Variants in DTD1 observed in about 807,000 individuals in gnomAD.
DTD1 encodes D-tyrosyl-tRNA deacylase 1 homolog.
In DTD1, 13 loss-of-function variants were observed where a neutral mutation model predicts 25.6. The observed-to-expected ratio is 0.51, with a 90% CI of 0.33 to 0.81. The LOEUF (loss-of-function observed/expected upper bound fraction) is 0.81, where lower values mean the gene tolerates loss of function less well. DTD1 is among the 30% of genes least tolerant of loss of function. DTD1 has a pLI of 0.02. For synonymous variants in DTD1, 110 were observed against 103.6 expected (o/e 1.06, Z -0.37); for missense variants, 193 against 266.4 (o/e 0.72, Z 1.92).
At chr20:18,735,755 A>C (rs535118251) in intron 4 of DTD1, among the ~76,000 whole-genome samples, 1 of 152,164 alleles carries the variant, frequency 6.6e-6, no homozygotes, top group African/African-American at 2.4e-5. Flanking sequence ...ACTTATCACA[A>C]AAGTAAACTA....
intron 3 of DTD1, among the ~76,000 whole-genome samples, chr20:18,600,710 A>G (rs1476527635): frequency 6.6e-6 from 1 of 152,180 alleles, no homozygotes; most frequent in Non-Finnish European, 1.5e-5. Context: ...CACCTTGACT[A>G]TATTGAATCT....
At chr20:18,603,131 CT>C (rs2060642453) in intron 3 of DTD1, among the ~76,000 whole-genome samples, 1 of 97,402 alleles carries the variant, frequency 1.0e-5, no homozygotes, top group African/African-American at 3.6e-5. Context: ...ATCCTAGTCT[CT>C]GATAAAACAG....
intron 4 of DTD1, among the ~76,000 whole-genome samples, chr20:18,654,798 TAAA>T (rs35791362): frequency 0.49 from 73,345 of 150,142 alleles, 18,161 homozygotes; most frequent in Middle Eastern, 0.55. Flanking sequence ...GAAAGCTCAT[TAAA>T]AAAAAAAAAT....
intron 1 of DTD1, among the ~76,000 whole-genome samples, chr20:18,589,941 C>A (rs1261072280): frequency 4.6e-5 from 7 of 152,084 alleles, no homozygotes; most frequent in Non-Finnish European, 1.5e-5. Flanking sequence ...TTAGAAGGGC[C>A]CTCCACTTAT....
At chr20:18,671,756 C>T (rs757367179) in intron 4 of DTD1, among the ~76,000 whole-genome samples, 25 of 152,160 alleles carry the variant, frequency 1.6e-4, no homozygotes, top group Admixed American at 1.3e-4. Flanking sequence ...GCAGAGCAGC[C>T]CCCTTGGTCC....
At chr20:18,724,457 C>CCTCA (rs2122496402) in intron 4 of DTD1, among the ~76,000 whole-genome samples, 1 of 152,264 alleles carries the variant, frequency 6.6e-6, no homozygotes, top group Non-Finnish European at 1.5e-5. Flanking sequence ...TTGCCCAAGA[C>CCTCA]CTCAGTTCTT....
intron 3 of DTD1, among the ~76,000 whole-genome samples, chr20:18,614,028 A>G (rs935521932): frequency 6.6e-6 from 1 of 152,038 alleles, no homozygotes; most frequent in African/African-American, 2.4e-5. Context: ...CTGGTCTCAA[A>G]CTCCTGGGCT....
At chr20:18,653,693 G>T (rs2060882146) in intron 4 of DTD1, among the ~76,000 whole-genome samples, 1 of 152,180 alleles carries the variant, frequency 6.6e-6, no homozygotes, top group African/African-American at 2.4e-5. Flanking sequence ...CTTTCCAAAA[G>T]TTTATTTACT....
intron 4 of DTD1, among the ~76,000 whole-genome samples, chr20:18,699,190 A>C (rs898746275): frequency 6.6e-6 from 1 of 152,170 alleles, no homozygotes; most frequent in Non-Finnish European, 1.5e-5. Flanking sequence ...AAAAAGCTTT[A>C]GTCTCTAAAA....
At chr20:18,682,122 T>C (rs1008685365) in intron 4 of DTD1, among the ~76,000 whole-genome samples, 2 of 152,182 alleles carry the variant, frequency 1.3e-5, no homozygotes, top group Non-Finnish European at 1.5e-5. Context: ...GGGCAATCAC[T>C]GTGGATTTTA....
At chr20:18,703,083 A>G (rs1358564226) in intron 4 of DTD1, among the ~76,000 whole-genome samples, 1 of 152,226 alleles carries the variant, frequency 6.6e-6, no homozygotes, top group Non-Finnish European at 1.5e-5. Context: ...TTTCCCTAGA[A>G]GAATGTTCAG....
intron 3 of DTD1, among the ~76,000 whole-genome samples, chr20:18,627,657 A>G (rs1411625412): frequency 6.6e-6 from 1 of 151,668 alleles, no homozygotes; most frequent in Admixed American, 6.6e-5. Context: ...TCCCACTGTG[A>G]CCCGGGTTTT....
intron 4 of DTD1, among the ~76,000 whole-genome samples, chr20:18,717,720 G>C (rs2061186730): frequency 6.6e-6 from 1 of 152,222 alleles, no homozygotes; most frequent in South Asian, 2.1e-4. Flanking sequence ...ATTTTCTTCT[G>C]GGTCTTTGAT....
intron 4 of DTD1, among the ~76,000 whole-genome samples, chr20:18,653,396 G>A (rs1306714918): frequency 6.6e-6 from 1 of 152,114 alleles, no homozygotes; most frequent in African/African-American, 2.4e-5. Context: ...TCTGTCTCAA[G>A]ACAAACAAAC....
At position 18,589,292 on chromosome 20, in the gene DTD1, A is replaced by C. The variant is rs915373385; in HGVS notation, c.43+1177A>C. ...CTTGAACCCGGGAGGCAGAGGTTGC[A>C]GTGAGCCGAGATTGTGCCAGTAACC... On this transcript the variant is annotated intron_variant, in intron 1 of 5. Coordinates refer to ENST00000377452, the MANE Select transcript of DTD1 (RefSeq NM_080820.6). Among the ~76,000 whole-genome samples the C allele has an allele frequency of 3.9e-5, 6 of 152,150 alleles. No individual in the cohort carries two copies. In the South Asian group the frequency reaches 1.2e-3, roughly 32 times the overall value.
At position 18,706,326 on chromosome 20, in the gene DTD1, G is replaced by A. The variant is rs118037760; in HGVS notation, c.478-37774G>A. ...GGTTTGTTTGGGGGGATTGCTCTTC[G>A]TTGGCACCTGGAAAGACCTTTTTAT... On this transcript the variant is annotated intron_variant, in intron 4 of 5. Coordinates refer to ENST00000377452, the MANE Select transcript of DTD1 (RefSeq NM_080820.6). Among the ~76,000 whole-genome samples, 154 of 152,300 alleles carry A rather than the reference G, an allele frequency of 1.0e-3. No individual in the cohort carries two copies. In the East Asian group the frequency reaches 0.018, roughly 17 times the overall value.
rs117157377 is a variant in DTD1 at position 18,762,070 on chromosome 20, C to T, written c.*20-1290C>T. ...AGCTGTGGTTCCAGCTTGCCTTTCTCATGTGTGCACAGGGACTTCGCTATC... is the reference window on the plus strand; with the variant it reads ...AGCTGTGGTTCCAGCTTGCCTTTCTTATGTGTGCACAGGGACTTCGCTATC... On this transcript the variant is annotated intron_variant, in intron 5 of 5. Transcript: ENST00000377452. 7.8e-3 allele frequency among the ~76,000 whole-genome samples: 1,195 copies of T among 152,308 alleles called. 8 individuals are homozygous for T. The highest frequency in any genetic ancestry group is 0.013 in the Non-Finnish European group (855 of 68,018).
Position 18,590,883 on chromosome 20 carries a change from C to T in DTD1, c.43+2768C>T, listed in dbSNP as rs372580356. Among the ~76,000 whole-genome samples, 8 of 152,308 alleles carry T rather than the reference C, an allele frequency of 5.3e-5. No homozygotes were observed. The East Asian group carries it at 9.6e-4, about 18-fold the overall frequency. ...AACAGACGGAATAGGGCAATAACCC[C>T]CATGTCCCATCATTCATTGTCAGCA... On this transcript the variant is annotated intron_variant, in intron 1 of 5. Transcript: ENST00000377452.
At chr20:18,649,177 C>G (rs1266671523) in intron 4 of DTD1, among the ~76,000 whole-genome samples, 1 of 151,658 alleles carries the variant, frequency 6.6e-6, no homozygotes, top group Non-Finnish European at 1.5e-5. Context: ...GTTCAGTTCA[C>G]TGATGAGTCA....
Sources: gnomAD v4.1 joint callset for allele counts (sites outside exome capture counted in the v4.1 genomes callset) on GRCh38, gnomAD v4.1.1 for gene constraint, MANE v1.5 for transcripts, NCBI Gene and HGNC (gene_info 2026-07-23, HGNC 2026-07-21) for gene names.